Variants in RASEF observed in about 807,000 individuals in gnomAD.
The protein encoded by RASEF is ras and EF-hand domain-containing protein.
Under a neutral mutation model 90.1 loss-of-function variants are expected in RASEF, and 68 were observed. The ratio of observed to expected loss-of-function variants is 0.75; its 90% CI spans 0.62 to 0.92. The LOEUF (loss-of-function observed/expected upper bound fraction) is 0.92. Among genes scored for constraint, RASEF ranks in the 40% least tolerant of loss-of-function variants. RASEF has a pLI of 0.00. For synonymous variants in RASEF, 331 were observed against 345.2 expected (o/e 0.96, Z 0.46); for missense variants, 949 against 937.2 (o/e 1.01, Z -0.16).
At chr9:83,084,687 C>G in the RASEF span, among the ~76,000 whole-genome samples, 1 of 152,182 alleles carries the variant, frequency 6.6e-6, no homozygotes, top group Non-Finnish European at 1.5e-5. Flanking sequence ...ACTGGTCCTT[C>G]AAGACTATCT....
the RASEF span, among the ~76,000 whole-genome samples, chr9:83,117,064 C>T: frequency 3.3e-5 from 5 of 152,100 alleles, no homozygotes; most frequent in Non-Finnish European, 5.9e-5. Context: ...GGAAGAGAGT[C>T]GATTGAAGTA....
At chr9:83,047,282 G>GA (rs1172283964) in intron 1 of RASEF, among the ~76,000 whole-genome samples, 1 of 151,862 alleles carries the variant, frequency 6.6e-6, no homozygotes, top group Non-Finnish European at 1.5e-5. Context: ...AACAAAAAAA[G>GA]AAAAAACGAA....
At chr9:82,983,155 A>ACACACC (rs1554704230) in intron 16 of RASEF, among the ~76,000 whole-genome samples, 9 of 122,822 alleles carry the variant, frequency 7.3e-5, no homozygotes, top group African/African-American at 2.1e-4. Flanking sequence ...ACACACACAC[A>ACACACC]CCCTTCTCCC....
intron 1 of RASEF, chr9:83,055,821 C>T (rs547675695): frequency 8.6e-4 from 512 of 597,138 alleles, no homozygotes; most frequent in Non-Finnish European, 1.1e-3. Context: ...GTAAGGACCC[C>T]GAAGGGTCTA....
chr9:83,069,009 A>G, the RASEF span, among the ~76,000 whole-genome samples: 2 of 152,188 alleles, frequency 1.3e-5, no homozygotes, highest in South Asian at 2.1e-4. Context: ...TTTTGCAAAC[A>G]GAAACTGTTA....
the RASEF span, among the ~76,000 whole-genome samples, chr9:83,095,358 C>T: frequency 3.3e-5 from 5 of 151,410 alleles, no homozygotes; most frequent in Admixed American, 2.6e-4. Context: ...GAATTTTTAC[C>T]GTCACCCCTA....
At chr9:83,112,022 G>A in the RASEF span, among the ~76,000 whole-genome samples, 28 of 151,760 alleles carry the variant, frequency 1.8e-4, no homozygotes, top group South Asian at 4.8e-3. Flanking sequence ...GCAAATAATC[G>A]AACTTATGAT....
intron 16 of RASEF, among the ~76,000 whole-genome samples, chr9:82,988,675 C>T (rs1828757661): frequency 4.6e-5 from 7 of 152,052 alleles, no homozygotes; most frequent in Admixed American, 4.6e-4. Context: ...AGCCCCTCCC[C>T]TCTCCTTGCT....
At chr9:82,991,891 C>T (rs1022110555) in intron 15 of RASEF, among the ~76,000 whole-genome samples, 1 of 152,226 alleles carries the variant, frequency 6.6e-6, no homozygotes, top group Non-Finnish European at 1.5e-5. Flanking sequence ...AGTTTAACAT[C>T]TGTCTCCCTC....
the RASEF span, among the ~76,000 whole-genome samples, chr9:83,103,153 A>C: frequency 2.0e-5 from 3 of 152,192 alleles, no homozygotes; most frequent in Non-Finnish European, 4.4e-5. Flanking sequence ...GGTCACACAC[A>C]CTGCAGAGTG....
the RASEF span, among the ~76,000 whole-genome samples, chr9:83,126,722 ATT>A: frequency 3.3e-5 from 5 of 152,348 alleles, no homozygotes; most frequent in East Asian, 9.6e-4. Flanking sequence ...AATAACCAAC[ATT>A]GTCAGACATT....
chr9:82,991,281 T>A (rs931390413), intron 15 of RASEF, among the ~76,000 whole-genome samples: 4 of 152,226 alleles, frequency 2.6e-5, no homozygotes, highest in Non-Finnish European at 5.9e-5. Flanking sequence ...TTTTAGGTAA[T>A]CCTTCCTTGC....
At chr9:83,104,313 TA>T in the RASEF span, among the ~76,000 whole-genome samples, 19 of 151,968 alleles carry the variant, frequency 1.3e-4, no homozygotes, top group African/African-American at 4.4e-4. Context: ...TAAGAATCCT[TA>T]AAAAAAATCC....
At chr9:83,069,373 C>G in the RASEF span, among the ~76,000 whole-genome samples, 7,169 of 152,258 alleles carry the variant, frequency 0.047, 199 homozygotes, top group Non-Finnish European at 0.068. Flanking sequence ...TACTCTTGCT[C>G]AATATAGATT....
intron 1 of RASEF, among the ~76,000 whole-genome samples, chr9:83,038,465 G>A (rs1261801786): frequency 6.6e-6 from 1 of 151,944 alleles, no homozygotes; most frequent in African/African-American, 2.4e-5. Context: ...AAGATTACAA[G>A]CAATATTATA....
In RASEF at chr9:82,984,176, G is replaced by T. The variant is rs542050378; in HGVS notation, c.2118-1394C>A. Among the ~76,000 whole-genome samples the T allele has an allele frequency of 6.6e-5, 10 of 152,224 alleles. No individual in the cohort carries two copies. The South Asian group carries it at 1.7e-3, about 25-fold the overall frequency. On this transcript the variant is annotated intron_variant, in intron 16 of 16. Transcript: ENST00000376447. ...TAGCCAGATTTTTAAAAGGTAAAAA[G>T]AAATAGGTAAAATTAATTTTATTAA...
At chr9:83,048,269 A>T in intron 1 of RASEF, 1 of 985,364 alleles carries the variant, frequency 1.0e-6, no homozygotes, top group Non-Finnish European at 1.2e-6. Context: ...GCACAATTCA[A>T]CCTTGCAAAA....
At chr9:83,042,026 C>A (rs1359705353) in intron 1 of RASEF, among the ~76,000 whole-genome samples, 1 of 152,142 alleles carries the variant, frequency 6.6e-6, no homozygotes, top group Non-Finnish European at 1.5e-5. Context: ...TAAGGAAAAG[C>A]AATTTCAGTA....
intron 1 of RASEF, among the ~76,000 whole-genome samples, chr9:83,054,333 G>A (rs1246731387): frequency 4.8e-4 from 6 of 12,476 alleles, no homozygotes; most frequent in Admixed American, 9.0e-4. Context: ...CCAGTTGATC[G>A]CATCGGCTCC....
Sources: allele counts gnomAD v4.1 joint callset (sites outside exome capture counted in the v4.1 genomes callset), GRCh38; gene constraint gnomAD v4.1.1; transcripts MANE v1.5; gene names NCBI Gene and HGNC (gene_info 2026-07-23, HGNC 2026-07-21).